Variants in COG5 observed in about 807,000 individuals in gnomAD.
COG5 encodes component of oligomeric golgi complex 5.
In COG5, 86 loss-of-function variants were observed where a neutral mutation model predicts 110.4. The ratio of observed to expected loss-of-function variants is 0.78; its 90% CI spans 0.65 to 0.93. COG5 has a LOEUF of 0.93. Among genes scored for constraint, COG5 ranks in the 40% least tolerant of loss-of-function variants. The pLI, the probability that COG5 is intolerant of heterozygous loss-of-function variation, is 0.00. For synonymous variants in COG5, 360 were observed against 334.6 expected (o/e 1.08, Z -0.83); for missense variants, 1,077 against 987.0 (o/e 1.09, Z -1.22).
At chr7:107,554,441 G>C in intron 2 of COG5, 99 bp from the exon 3 acceptor site, 1 of 1,063,522 alleles carries the variant, frequency 9.4e-7, no homozygotes. Context: ...TAGAAACGAG[G>C]CAAATACAAA....
chr7:107,364,557 A>G (rs949455082), intron 8 of COG5, among the ~76,000 whole-genome samples: 3 of 152,196 alleles, frequency 2.0e-5, no homozygotes, highest in Non-Finnish European at 4.4e-5. Context: ...TTTCAATAAA[A>G]AAATAGAAAT....
intron 14 of COG5, among the ~76,000 whole-genome samples, chr7:107,267,341 T>C (rs539588130): frequency 2.2e-4 from 33 of 152,216 alleles, no homozygotes; most frequent in African/African-American, 6.0e-4. Flanking sequence ...TATTATCCTC[T>C]CTAAGAGCTT....
Position 107,201,471 on chromosome 7 carries a change from C to T in COG5, c.*2045G>A. On this transcript the variant is annotated 3_prime_UTR_variant, in exon 22 of 22. Coordinates refer to ENST00000297135, the MANE Select transcript of COG5 (RefSeq NM_006348.5). ...GTTCTTAAGTCTATATTTGCATATA[C>T]ATTGACTCTTGATGGAAAGACTTAA... 1 of 1,343,030 alleles carries T rather than the reference C, an allele frequency of 7.4e-7. No individual in the cohort carries two copies. The highest frequency in any genetic ancestry group is 1.1e-6 in the Non-Finnish European group (1 of 937,112). 83.2% of individuals were successfully genotyped at this position (1,343,030 alleles called of 1,614,324 possible). A position where few individuals can be genotyped will look rare whatever the true frequency, so the allele number is the denominator to read the frequency against.
intron 12 of COG5, among the ~76,000 whole-genome samples, chr7:107,286,814 GAAT>G (rs1217491893): frequency 2.0e-5 from 3 of 151,780 alleles, no homozygotes; most frequent in Admixed American, 2.0e-4. Flanking sequence ...AAAATTCCCA[GAAT>G]AATTTAATCT....
At chr7:107,270,791 G>A (rs570228267) in intron 14 of COG5, among the ~76,000 whole-genome samples, 1 of 149,728 alleles carries the variant, frequency 6.7e-6, no homozygotes, top group South Asian at 2.1e-4. Flanking sequence ...TGAATATACT[G>A]TGACTGTATA....
chr7:107,459,749 T>C (rs1159571782), intron 6 of COG5, among the ~76,000 whole-genome samples: 1 of 149,742 alleles, frequency 6.7e-6, no homozygotes, highest in Non-Finnish European at 1.5e-5. Flanking sequence ...TGAGCTGTGA[T>C]AGCACCACTG....
Position 107,201,408 on chromosome 7 carries a change from C to T in COG5, c.*2108G>A, listed in dbSNP as rs1209981072. The T allele has an allele frequency of 2.1e-5, 33 of 1,563,690 alleles. No homozygotes were observed. Among genetic ancestry groups the T allele is most frequent in the Non-Finnish European group, 2.9e-5 (33 of 1,135,786 alleles). On this transcript the variant is annotated 3_prime_UTR_variant, in exon 22 of 22. Transcript: ENST00000297135. ...ACATTCACTGAGTTTAATTTTATTT[C>T]CACAGGGCTCACAACAACATTAAAC...
intron 10 of COG5, among the ~76,000 whole-genome samples, chr7:107,332,139 C>T (rs1456985184): frequency 6.6e-6 from 1 of 152,140 alleles, no homozygotes; most frequent in Non-Finnish European, 1.5e-5. Context: ...TGAGCCACCA[C>T]ACCTGGCCAC....
chr7:107,482,542 T>C (rs1047724267), intron 6 of COG5, among the ~76,000 whole-genome samples: 1 of 152,142 alleles, frequency 6.6e-6, no homozygotes, highest in African/African-American at 2.4e-5. Context: ...ATCAAGGTGA[T>C]ATTCAGGTAA....
intron 6 of COG5, among the ~76,000 whole-genome samples, chr7:107,436,617 T>A (rs1408709904): frequency 1.3e-5 from 2 of 152,230 alleles, no homozygotes; most frequent in Non-Finnish European, 1.5e-5. Flanking sequence ...GTTATGCATA[T>A]TTTATGACAA....
intron 10 of COG5, among the ~76,000 whole-genome samples, chr7:107,332,470 GA>G (rs1810337718): frequency 1.3e-5 from 2 of 152,240 alleles, no homozygotes; most frequent in African/African-American, 4.8e-5. Context: ...GTATATGTTT[GA>G]AATTTTATAA....
intron 6 of COG5, among the ~76,000 whole-genome samples, chr7:107,432,010 T>G (rs1407121764): frequency 7.9e-5 from 12 of 152,056 alleles, no homozygotes; most frequent in Admixed American, 7.9e-4. Context: ...GAACTGCTAT[T>G]TTAAACAGGA....
chr7:107,246,497 G>A (rs1802069556), intron 17 of COG5, among the ~76,000 whole-genome samples: 1 of 151,972 alleles, frequency 6.6e-6, no homozygotes, highest in Admixed American at 6.6e-5. Flanking sequence ...GAATCCATAA[G>A]GAACTTAAAC....
intron 7 of COG5, among the ~76,000 whole-genome samples, chr7:107,385,415 T>C (rs559283099): frequency 2.6e-5 from 4 of 152,270 alleles, no homozygotes; most frequent in Non-Finnish European, 5.9e-5. Flanking sequence ...AGGAAACCAA[T>C]ACATAAGGGT....
intron 6 of COG5, among the ~76,000 whole-genome samples, chr7:107,413,060 T>TA (rs1448594671): frequency 6.6e-6 from 1 of 152,040 alleles, no homozygotes; most frequent in Non-Finnish European, 1.5e-5. Context: ...GGCTGGAGTG[T>TA]AGTGGCTTGT....
chr7:107,470,023 C>T (rs1474054220), intron 6 of COG5: 1 of 152,180 alleles, frequency 6.6e-6, no homozygotes, highest in Admixed American at 6.6e-5. Flanking sequence ...TACACTGCAT[C>T]TCTCTGCAGT....
At chr7:107,268,525 C>T (rs1007133438) in intron 14 of COG5, among the ~76,000 whole-genome samples, 1 of 152,172 alleles carries the variant, frequency 6.6e-6, no homozygotes, top group Non-Finnish European at 1.5e-5. Flanking sequence ...TTTGAGAAAG[C>T]ATCTCAAGAG....
chr7:107,225,388 A>T (rs1372063097), intron 19 of COG5, among the ~76,000 whole-genome samples: 1 of 152,236 alleles, frequency 6.6e-6, no homozygotes, highest in Non-Finnish European at 1.5e-5. Flanking sequence ...CTATAAAAAT[A>T]AAATAAGGCA....
intron 19 of COG5, among the ~76,000 whole-genome samples, chr7:107,218,100 G>A (rs1006196309): frequency 6.6e-6 from 1 of 151,870 alleles, no homozygotes; most frequent in African/African-American, 2.4e-5. Context: ...ATAGCTACAA[G>A]AATGTAAAAT....
Sources: gnomAD v4.1 joint callset for allele counts (sites outside exome capture counted in the v4.1 genomes callset) on GRCh38, gnomAD v4.1.1 for gene constraint, MANE v1.5 for transcripts, NCBI Gene and HGNC (gene_info 2026-07-23, HGNC 2026-07-21) for gene names.